Variants in ATG16L2 observed in about 807,000 individuals in gnomAD.
The protein encoded by ATG16L2 is autophagy related 16 like 2.
A neutral mutation model predicts 84.7 loss-of-function variants in ATG16L2; 77 were observed. The observed-to-expected ratio is 0.91, with a 90% CI of 0.76 to 1.10. The LOEUF is 1.10. Among genes scored for constraint, ATG16L2 ranks in the 50% least tolerant of loss-of-function variants. The pLI, the probability that ATG16L2 is intolerant of heterozygous loss-of-function variation, is 0.00. For synonymous variants in ATG16L2, 361 were observed against 342.8 expected, an observed-to-expected ratio of 1.05 and a Z score of -0.59; for missense variants, 782 against 817.6, an observed-to-expected ratio of 0.96 and a Z score of 0.53.
chr11:72,836,896 T>C (rs762868683), intron 5 of ATG16L2: 1 of 152,586 alleles, frequency 6.6e-6, no homozygotes, highest in Non-Finnish European at 1.5e-5. Context: ...ATGGAGGGGT[T>C]ATTTTTTAAA....
intron 5 of ATG16L2, chr11:72,841,393 G>A (rs1422004947): frequency 6.6e-7 from 1 of 1,505,310 alleles, no homozygotes; most frequent in East Asian, 2.3e-5. Flanking sequence ...TGCCCTTCAG[G>A]CGAATATGTA....
chr11:72,842,905 C>T (rs1276644463), exon 6 of ATG16L2: 3 of 1,257,086 alleles, frequency 2.4e-6, no homozygotes, highest in African/African-American at 1.5e-5. Context: ...TTGCAACCAC[C>T]CCTATGCTCA....
At chr11:72,830,290 C>T (rs1184381575), downstream of ATG16L2, among the ~76,000 whole-genome samples, 2 of 152,166 alleles carry the variant, frequency 1.3e-5, no homozygotes, top group African/African-American at 4.8e-5. Flanking sequence ...GACTCCCAGA[C>T]CACTCACTAC....
At chr11:72,820,328 C>G (rs1237842730) in intron 3 of ATG16L2, 1 of 152,130 alleles carries the variant, frequency 6.6e-6, no homozygotes, top group Non-Finnish European at 1.5e-5. Flanking sequence ...ACTGTTTCAC[C>G]ACTGCAAAGA....
chr11:72,836,817 A>C (rs1050760413), intron 5 of ATG16L2: 33 of 152,774 alleles, frequency 2.2e-4, no homozygotes, highest in African/African-American at 7.9e-4. Flanking sequence ...CTGTAAAGAA[A>C]GCACATCTGC....
At chr11:72,834,341 G>C (rs1860670790), downstream of ATG16L2, among the ~76,000 whole-genome samples, 1 of 152,218 alleles carries the variant, frequency 6.6e-6, no homozygotes, top group Non-Finnish European at 1.5e-5. Context: ...GGCAGTGAGT[G>C]GATAGAGCAG....
Position 72,824,822 on chromosome 11 carries a change from A to C in ATG16L2, c.976A>C (p.Thr326Pro), listed in dbSNP as rs1860242842. Residue 326 changes from threonine to proline, a missense_variant, in exon 9 of 18, where the codon ACC becomes CCC. By Grantham distance (38) the Thr-to-Pro change is conservative. Coordinates refer to ENST00000321297, the MANE Select transcript of ATG16L2 (RefSeq NM_033388.2). ...TGTGTGTGTGGCTGCCCGACTTCCT[A>C]CCCGGGCTCAGGATGTGCTGGTAAG... ...IPVCVAARLP[T>P]RAQDVLDAHL... 1 of 1,596,114 alleles carries C rather than the reference A, an allele frequency of 6.3e-7. No individual in the cohort carries two copies. The highest frequency in any genetic ancestry group is 1.3e-5 in the African/African-American group (1 of 74,476).
chr11:72,830,618 C>A (rs1279528685), downstream of ATG16L2, among the ~76,000 whole-genome samples: 1 of 152,216 alleles, frequency 6.6e-6, no homozygotes, highest in African/African-American at 2.4e-5. Context: ...TACAGGTGCA[C>A]AGCACCATGC....
chr11:72,816,943 A>G (rs1591293204), intron 2 of ATG16L2, 116 bp downstream of exon 2: 8 of 312,524 alleles, frequency 2.6e-5, no homozygotes, highest in East Asian at 1.9e-4. Context: ...GCTGCTGCCC[A>G]GGGGTGGTGG....
At position 72,824,810 on chromosome 11, in the gene ATG16L2, GCCCGACTTCCTA is replaced by G; in HGVS notation, c.969_980del (p.Leu324_Arg327del). On this transcript the variant is annotated inframe_deletion, in exon 9 of 18. Coordinates refer to ENST00000321297, the MANE Select transcript of ATG16L2 (RefSeq NM_033388.2). ...CCAGATCATCCCTGTGTGTGTGGCT[GCCCGACTTCCTA>G]CCCGGGCTCAGGATGTGCTGGTAAG... The G allele has an allele frequency of 6.2e-7, 1 of 1,603,862 alleles. No homozygotes were observed. Among genetic ancestry groups the G allele is most frequent in the Non-Finnish European group, 8.5e-7 (1 of 1,174,968 alleles).
chr11:72,821,218 C>T (rs539513368), intron 3 of ATG16L2: 5 of 992,120 alleles, frequency 5.0e-6, no homozygotes, highest in African/African-American at 1.7e-5. Context: ...CAGTACCAGC[C>T]TCCTGGTGTG....
At chr11:72,843,074 T>C (rs1591331470) in exon 6 of ATG16L2, 1 of 1,399,374 alleles carries the variant, frequency 7.1e-7, no homozygotes, top group Admixed American at 1.9e-5. Context: ...CTTTTTATCC[T>C]ACTGAAGGCT....
chr11:72,835,715 T>C (rs1250989406), intron 5 of ATG16L2, among the ~76,000 whole-genome samples: 2 of 152,094 alleles, frequency 1.3e-5, no homozygotes, highest in Non-Finnish European at 2.9e-5. Context: ...ATTCCACACT[T>C]AGGAATCTAC....
rs116591754 is a variant in ATG16L2 at position 72,840,521 on chromosome 11, A to G, written c.*22-2096A>G. On this transcript the variant is annotated intron_variant, in intron 5 of 5. Coordinates refer to the ATG16L2 transcript ENST00000534905. ...AGTTAGCTTATTATTTCATCTTGGT[A>G]TTCCTCAAAGAGGCAAATAGAGGCC... Among the ~76,000 whole-genome samples, 1,445 of 152,302 alleles carry G rather than the reference A, an allele frequency of 9.5e-3. 24 individuals are homozygous for G. Among genetic ancestry groups the G allele is most frequent in the African/African-American group, 0.032 (1,320 of 41,556 alleles).
intron 9 of ATG16L2, 28 bp from the exon 10 acceptor site, chr11:72,825,274 G>A (rs1353901556): frequency 2.5e-6 from 4 of 1,588,202 alleles, no homozygotes; most frequent in South Asian, 2.2e-5. Flanking sequence ...GGGGAGGGCC[G>A]GGGCACCAAC....
intron 5 of ATG16L2, among the ~76,000 whole-genome samples, chr11:72,834,736 C>A (rs1347334943): frequency 6.6e-6 from 1 of 152,152 alleles, no homozygotes; most frequent in African/African-American, 2.4e-5. Context: ...GTACCCACCA[C>A]CACACCTGGC....
At chr11:72,840,376 A>C (rs1265756813) in intron 5 of ATG16L2, among the ~76,000 whole-genome samples, 1 of 152,250 alleles carries the variant, frequency 6.6e-6, no homozygotes, top group Non-Finnish European at 1.5e-5. Flanking sequence ...TTACCGTGCA[A>C]GTTATGACCT....
At chr11:72,828,301 T>C in intron 14 of ATG16L2, 58 bp from the exon 15 acceptor site, 5 of 1,596,026 alleles carry the variant, frequency 3.1e-6, no homozygotes, top group Non-Finnish European at 4.3e-6. Context: ...GGCCCCTTCC[T>C]GTCAGGAGTG....
chr11:72,833,114 T>C (rs1236289959), downstream of ATG16L2, among the ~76,000 whole-genome samples: 6 of 152,228 alleles, frequency 3.9e-5, no homozygotes, highest in South Asian at 4.1e-4. Flanking sequence ...GTCCCTGGCT[T>C]CAGTCTGCTG....
Sources: allele counts gnomAD v4.1 joint callset (sites outside exome capture counted in the v4.1 genomes callset), GRCh38; gene constraint gnomAD v4.1.1; transcripts MANE v1.5; gene names NCBI Gene and HGNC (gene_info 2026-07-23, HGNC 2026-07-21).